The following PREX1 variants were observed in gnomAD, a reference collection of about 807,000 sequenced individuals.
The protein encoded by PREX1 is phosphatidylinositol 3,4,5-trisphosphate-dependent Rac exchanger 1 protein.
PREX1 carries 41 observed loss-of-function variants against 198.3 expected under a neutral mutation model. The observed-to-expected ratio is 0.21, with a 90% CI of 0.16 to 0.27. The LOEUF is 0.27. PREX1 is among the 10% of genes least tolerant of loss of function. PREX1 has a pLI of 1.00. For missense variants in PREX1, 1,620 were observed against 2,200.7 expected, an observed-to-expected ratio of 0.74 and a Z score of 5.28; for synonymous variants, 843 against 887.2, an observed-to-expected ratio of 0.95 and a Z score of 0.89.
chr20:48,647,741 C>T (rs367563464), intron 25 of PREX1, among the ~76,000 whole-genome samples: 55 of 152,198 alleles, frequency 3.6e-4, no homozygotes, highest in African/African-American at 1.1e-3. Flanking sequence ...GGCCTCCTGG[C>T]TCTAGAGTCT....
intron 1 of PREX1, among the ~76,000 whole-genome samples, chr20:48,793,627 G>A (rs545557834): frequency 2.2e-4 from 34 of 152,294 alleles, no homozygotes; most frequent in African/African-American, 7.9e-4. Flanking sequence ...CTGCTTTACC[G>A]GTCACAGCCA....
chr20:48,710,516 T>TGCAA (rs2089925567), intron 5 of PREX1, among the ~76,000 whole-genome samples: 1 of 152,236 alleles, frequency 6.6e-6, no homozygotes, highest in Non-Finnish European at 1.5e-5. Context: ...GATTGGCAGA[T>TGCAA]GCAAGACCTG....
chr20:48,734,043 C>CA (rs2090046548), intron 4 of PREX1, among the ~76,000 whole-genome samples: 1 of 152,220 alleles, frequency 6.6e-6, no homozygotes, highest in Non-Finnish European at 1.5e-5. Context: ...TGAGTCCCCG[C>CA]ACCTGGCCGC....
intron 15 of PREX1, among the ~76,000 whole-genome samples, chr20:48,664,938 G>A (rs995993603): frequency 3.4e-5 from 5 of 148,584 alleles, no homozygotes; most frequent in South Asian, 2.1e-4. Flanking sequence ...GACTCCAGAC[G>A]GCCTGAATTC....
intron 3 of PREX1, among the ~76,000 whole-genome samples, chr20:48,741,335 G>A (rs1243721342): frequency 6.6e-6 from 1 of 150,516 alleles, no homozygotes; most frequent in Non-Finnish European, 1.5e-5. Flanking sequence ...CTTGGGGCTC[G>A]ATTTTTTTTT....
At chr20:48,653,883 A>T (rs117748586) in intron 19 of PREX1, among the ~76,000 whole-genome samples, 292 of 152,382 alleles carry the variant, frequency 1.9e-3, no homozygotes, top group Middle Eastern at 0.014. Context: ...GAATGGCCAG[A>T]AGCCAGGATT....
chr20:48,643,118 T>C (rs1006653426), intron 27 of PREX1, among the ~76,000 whole-genome samples: 1 of 152,206 alleles, frequency 6.6e-6, no homozygotes, highest in Non-Finnish European at 1.5e-5. Context: ...TTATGTACCA[T>C]GTGGATACAC....
At chr20:48,774,537 G>A (rs929552756) in intron 1 of PREX1, among the ~76,000 whole-genome samples, 2 of 152,218 alleles carry the variant, frequency 1.3e-5, no homozygotes, top group East Asian at 1.9e-4. Context: ...CCTGAAGCTG[G>A]TGCCTTCACC....
intron 10 of PREX1, among the ~76,000 whole-genome samples, chr20:48,682,967 T>C (rs1399974598): frequency 6.6e-6 from 1 of 152,158 alleles, no homozygotes; most frequent in African/African-American, 2.4e-5. Context: ...GCCTGGTGTG[T>C]AGGTAGCGGT....
At position 48,649,293 on chromosome 20, in the gene PREX1, C is replaced by T. The variant is rs536041973; in HGVS notation, c.3305+7G>A. ...GCTCACGCCGGACACCCCCGGCCAGCGCTCACCTGTTGATCTGGGTGACAT... is the reference window on the plus strand; with the variant it reads ...GCTCACGCCGGACACCCCCGGCCAGTGCTCACCTGTTGATCTGGGTGACAT... On this transcript the variant is annotated splice_region_variant and intron_variant, in intron 25 of 39. Transcript: ENST00000371941. 13 of 1,610,302 alleles carry T rather than the reference C, an allele frequency of 8.1e-6. No individual in the cohort carries two copies. Among genetic ancestry groups the T allele is most frequent in the African/African-American group, 6.7e-5 (5 of 75,020 alleles).
At chr20:48,773,354 A>ACC (rs2090245833) in intron 1 of PREX1, among the ~76,000 whole-genome samples, 1 of 151,670 alleles carries the variant, frequency 6.6e-6, no homozygotes, top group African/African-American at 2.4e-5. Context: ...GCATCTAGCT[A>ACC]CCACATCCTA....
chr20:48,652,538 G>A (rs777102796), intron 21 of PREX1, 48 bp downstream of exon 21: 4 of 1,557,848 alleles, frequency 2.6e-6, no homozygotes, highest in South Asian at 2.4e-5. Flanking sequence ...CCCCTCCGGA[G>A]TCTCAGTCCC....
intron 4 of PREX1, among the ~76,000 whole-genome samples, chr20:48,730,398 G>A (rs2090029337): frequency 6.8e-6 from 1 of 147,654 alleles, no homozygotes; most frequent in Non-Finnish European, 1.5e-5. Flanking sequence ...CAGACATCAT[G>A]CTGCGCAAAA....
chr20:48,692,958 C>A (rs1248942741), intron 7 of PREX1, among the ~76,000 whole-genome samples, 168 bp from the exon 8 acceptor site: 2 of 152,174 alleles, frequency 1.3e-5, no homozygotes, highest in Non-Finnish European at 2.9e-5. Context: ...GTAACTTGAA[C>A]AAGTCACTTC....
At chr20:48,653,691 T>C (rs143623507) in intron 19 of PREX1, among the ~76,000 whole-genome samples, 194 bp from the exon 20 acceptor site, 1 of 152,030 alleles carries the variant, frequency 6.6e-6, no homozygotes, top group African/African-American at 2.4e-5. Context: ...CAGAAGAAAC[T>C]AAGGTTCAGA....
the PREX1 span, among the ~76,000 whole-genome samples, chr20:48,849,939 C>T: frequency 6.6e-6 from 1 of 152,156 alleles, no homozygotes; most frequent in African/African-American, 2.4e-5. Context: ...GCCAGATGTT[C>T]TGGGTTCATA....
rs1256864071 is a variant in PREX1, at chr20:48,792,853, C to CACACACACACACACACAT, written c.219+34788_219+34789insATGTGTGTGTGTGTGTGT. 3.4e-4 allele frequency among the ~76,000 whole-genome samples: 49 copies of CACACACACACACACACAT among 145,350 alleles called. 1 individual carries two copies. Among genetic ancestry groups the CACACACACACACACACAT allele is most frequent in the African/African-American group, 1.1e-3 (42 of 38,094 alleles). ...ACACACACACACACACACACACACACATAGTATGATTCCATTTATATCCAT... is the reference window on the plus strand; with the variant it reads ...ACACACACACACACACACACACACACACACACACACACACACATATAGTATGATTCCATTTATATCCAT... On this transcript the variant is annotated intron_variant, in intron 1 of 39. Transcript: ENST00000371941.
chr20:48,660,595 C>T (rs2089583543), intron 15 of PREX1, among the ~76,000 whole-genome samples: 1 of 152,168 alleles, frequency 6.6e-6, no homozygotes, highest in South Asian at 2.1e-4. Flanking sequence ...TATAGGATGA[C>T]ATCTTTGTCC....
rs116660449 is a variant in PREX1, at chr20:48,791,697, G to A, written c.219+35945C>T. Among the ~76,000 whole-genome samples, 671 of 152,306 alleles carry A rather than the reference G, an allele frequency of 4.4e-3. 2 individuals are homozygous for A. The highest frequency in any genetic ancestry group is 0.015 in the African/African-American group (615 of 41,564). The stretch of plus-strand genomic sequence containing the variant: ...TGTTTGAAATCAAGTTCAGTGTCCA[G>A]CAAAGTCCTCACCACCAGCAACAAG... On this transcript the variant is annotated intron_variant, in intron 1 of 39. Coordinates refer to ENST00000371941, the MANE Select transcript of PREX1 (RefSeq NM_020820.4).
Sources: allele counts gnomAD v4.1 joint callset (sites outside exome capture counted in the v4.1 genomes callset), GRCh38; gene constraint gnomAD v4.1.1; transcripts MANE v1.5; gene names NCBI Gene and HGNC (gene_info 2026-07-23, HGNC 2026-07-21).